The following PGM5 variants were observed in gnomAD, a reference collection of about 807,000 sequenced individuals.
The protein encoded by PGM5 is phosphoglucomutase-like protein 5.
In PGM5, 23 loss-of-function variants were observed where a neutral mutation model predicts 59.2. The observed-to-expected ratio is 0.39, with a 90% CI of 0.28 to 0.55. The LOEUF (loss-of-function observed/expected upper bound fraction) is 0.55, where lower values mean the gene tolerates loss of function less well. PGM5 is among the 20% of genes least tolerant of loss of function. The pLI is 0.66. For missense variants in PGM5, 574 were observed against 748.3 expected (o/e 0.77, Z 2.72); for synonymous variants, 214 against 286.0 (o/e 0.75, Z 2.54).
At chr9:68,393,539 A>C (rs1822419806) in intron 6 of PGM5, among the ~76,000 whole-genome samples, 1 of 152,066 alleles carries the variant, frequency 6.6e-6, no homozygotes, top group Non-Finnish European at 1.5e-5. Flanking sequence ...TGAGGCCAGG[A>C]ATTCAAGACC....
chr9:68,418,459 A>G (rs544569315), intron 6 of PGM5, among the ~76,000 whole-genome samples: 2 of 152,244 alleles, frequency 1.3e-5, no homozygotes, highest in African/African-American at 4.8e-5. Flanking sequence ...ACCCTGCTGC[A>G]TTGAGGGTGT....
intron 6 of PGM5, among the ~76,000 whole-genome samples, chr9:68,395,147 A>G (rs1742218155): frequency 6.6e-6 from 1 of 152,142 alleles, no homozygotes; most frequent in South Asian, 2.1e-4. Context: ...ATGATTTTGA[A>G]TTAATTTTTG....
intron 10 of PGM5, among the ~76,000 whole-genome samples, chr9:68,516,386 C>T (rs1336909866): frequency 6.6e-6 from 1 of 152,172 alleles, no homozygotes; most frequent in African/African-American, 2.4e-5. Context: ...CCTTTTATGT[C>T]CTCAGATCCT....
chr9:68,361,791 T>C (rs1305092155), intron 1 of PGM5, among the ~76,000 whole-genome samples: 2 of 152,042 alleles, frequency 1.3e-5, no homozygotes, highest in East Asian at 1.9e-4. Flanking sequence ...GACATACACG[T>C]TCAGCCCATT....
intron 8 of PGM5, among the ~76,000 whole-genome samples, chr9:68,480,653 C>T (rs1471820201): frequency 2.0e-5 from 3 of 151,004 alleles, no homozygotes; most frequent in African/African-American, 7.3e-5. Flanking sequence ...GAGTGGAGAT[C>T]GTGCCACTGC....
At chr9:68,452,094 C>T (rs1823705974) in intron 6 of PGM5, among the ~76,000 whole-genome samples, 1 of 152,206 alleles carries the variant, frequency 6.6e-6, no homozygotes, top group Non-Finnish European at 1.5e-5. Context: ...CTCCATTCAC[C>T]TTTATCTCCC....
chr9:68,457,230 T>C (rs544664952), intron 6 of PGM5, among the ~76,000 whole-genome samples: 16 of 152,354 alleles, frequency 1.1e-4, no homozygotes, highest in African/African-American at 3.6e-4. Context: ...TTTATCAATC[T>C]TTTTCTTATA....
intron 9 of PGM5, among the ~76,000 whole-genome samples, chr9:68,486,037 C>A (rs895418741): frequency 6.6e-6 from 1 of 152,170 alleles, no homozygotes; most frequent in Non-Finnish European, 1.5e-5. Flanking sequence ...CAGCATTCAG[C>A]CCCAGGGATA....
chr9:68,442,799 A>T (rs1823549427), intron 6 of PGM5, among the ~76,000 whole-genome samples: 2 of 152,354 alleles, frequency 1.3e-5, no homozygotes, highest in South Asian at 4.1e-4. Context: ...AGAACACGAA[A>T]ATGTGTTCAA....
At position 68,356,900 on chromosome 9, in the gene PGM5, G is replaced by A; in HGVS notation, c.-228G>A. 2.3e-6 allele frequency: 1 copy of A among 430,732 alleles called. No individual in the cohort carries two copies. The highest frequency in any genetic ancestry group is 3.9e-5 in the East Asian group (1 of 25,734). 26.7% of individuals were successfully genotyped at this position (430,732 alleles called of 1,614,324 possible). A position where few individuals can be genotyped will look rare whatever the true frequency, so the allele number is the denominator to read the frequency against. ...AGGTGGGTGGGAGAAAACTTTACAG[G>A]AAGGCAGAAGCAATCTCTGCCGAGA... On this transcript the variant is annotated 5_prime_UTR_variant, in exon 1 of 11. Coordinates refer to ENST00000396396, the MANE Select transcript of PGM5 (RefSeq NM_021965.4).
At chr9:68,516,015 C>G (rs993076117) in intron 10 of PGM5, among the ~76,000 whole-genome samples, 2 of 152,214 alleles carry the variant, frequency 1.3e-5, no homozygotes, top group Non-Finnish European at 2.9e-5. Context: ...ATATCTCATT[C>G]TCACCACAAT....
intron 6 of PGM5, among the ~76,000 whole-genome samples, chr9:68,433,374 A>T (rs1823386707): frequency 6.6e-6 from 1 of 152,264 alleles, no homozygotes; most frequent in African/African-American, 2.4e-5. Flanking sequence ...AGAATTATTT[A>T]GGGCTGTTTC....
chr9:68,497,878 G>T (rs576361183), intron 9 of PGM5: 7 of 152,276 alleles, frequency 4.6e-5, no homozygotes, highest in African/African-American at 1.7e-4. Flanking sequence ...ATCATCTTAT[G>T]GTCATAATTT....
chr9:68,414,145 C>T (rs1386006539), intron 6 of PGM5, among the ~76,000 whole-genome samples: 17 of 152,192 alleles, frequency 1.1e-4, no homozygotes, highest in African/African-American at 3.6e-4. Context: ...TCTCCTTCAC[C>T]TTCTACCATG....
chr9:68,460,829 T>G (rs564589508), intron 6 of PGM5, among the ~76,000 whole-genome samples: 15 of 152,300 alleles, frequency 9.8e-5, no homozygotes, highest in Admixed American at 2.0e-4. Context: ...CAAGATGCAA[T>G]TCCTGCGCTC....
intron 6 of PGM5, among the ~76,000 whole-genome samples, chr9:68,460,325 A>C (rs1823839901): frequency 6.6e-6 from 1 of 152,206 alleles, no homozygotes; most frequent in South Asian, 2.1e-4. Flanking sequence ...TGGAGGTGCA[A>C]AGGTGGATAT....
chr9:68,505,294 A>G (rs1260185655), intron 10 of PGM5, among the ~76,000 whole-genome samples: 2 of 152,154 alleles, frequency 1.3e-5, no homozygotes, highest in Admixed American at 6.5e-5. Context: ...AGTGTTATTG[A>G]GAGGTTTTTT....
intron 6 of PGM5, among the ~76,000 whole-genome samples, chr9:68,427,260 T>A (rs1823254031): frequency 6.6e-6 from 1 of 152,208 alleles, no homozygotes; most frequent in Non-Finnish European, 1.5e-5. Flanking sequence ...GCCCTTGCTA[T>A]GCCTAAATAT....
At chr9:68,519,815 C>A (rs907770666) in intron 10 of PGM5, among the ~76,000 whole-genome samples, 1 of 151,586 alleles carries the variant, frequency 6.6e-6, no homozygotes, top group Non-Finnish European at 1.5e-5. Context: ...AATCCCAGCA[C>A]TTTCAGAGGC....
Sources: gnomAD v4.1 joint callset for allele counts (sites outside exome capture counted in the v4.1 genomes callset) on GRCh38, gnomAD v4.1.1 for gene constraint, MANE v1.5 for transcripts, NCBI Gene and HGNC (gene_info 2026-07-23, HGNC 2026-07-21) for gene names.